The following ZNF43 variants were observed in gnomAD, a reference collection of about 807,000 sequenced individuals.
The protein encoded by ZNF43 is zinc finger protein 39-like 1 (KOX 27).
ZNF43 carries 44 observed loss-of-function variants against 68.4 expected under a neutral mutation model. The ratio of observed to expected loss-of-function variants is 0.64; its 90% CI spans 0.51 to 0.83. The LOEUF is 0.83. Ranked by LOEUF, ZNF43 falls within the 40% of genes least tolerant of loss-of-function variation. The probability of loss-of-function intolerance (pLI) is 0.00; values close to 1 mark genes in which losing one functional copy is unlikely to be tolerated. For synonymous variants in ZNF43, 308 were observed against 307.8 expected (o/e 1.00, Z -0.01); for missense variants, 896 against 933.2 (o/e 0.96, Z 0.52).
chr19:21,819,241 C>A lies in ZNF43; in HGVS notation c.4-20G>T, dbSNP rs772511588. On this transcript the variant is annotated intron_variant, in intron 1 of 3. Transcript: ENST00000354959. ...TGGTCCCTAAAAAAAACAACACATACACACACAAACACACACATTTACCAA... is the reference window on the plus strand; with the variant it reads ...TGGTCCCTAAAAAAAACAACACATAAACACACAAACACACACATTTACCAA... 1.3e-6 allele frequency: 2 copies of A among 1,553,360 alleles called. No homozygotes were observed. Among genetic ancestry groups the A allele is most frequent in the East Asian group, 4.6e-5 (2 of 43,228 alleles).
chr19:21,847,997 A>G (rs1359526436), intron 1 of ZNF43, among the ~76,000 whole-genome samples: 1 of 151,664 alleles, frequency 6.6e-6, no homozygotes, highest in Non-Finnish European at 1.5e-5. Context: ...TAATTTTTGT[A>G]TTTTTAGTAG....
intron 1 of ZNF43, among the ~76,000 whole-genome samples, chr19:21,821,360 C>A (rs575176677): frequency 2.0e-5 from 3 of 151,916 alleles, no homozygotes; most frequent in African/African-American, 4.8e-5. Flanking sequence ...CGTGTTACCG[C>A]GCCTGGCCAA....
intron 3 of ZNF43, among the ~76,000 whole-genome samples, chr19:21,814,236 T>C (rs985768481): frequency 1.3e-5 from 2 of 151,966 alleles, no homozygotes; most frequent in Non-Finnish European, 2.9e-5. Context: ...ATTAAACACA[T>C]GGTGAAAATA....
chr19:21,837,547 A>G (rs1217531539), upstream of ZNF43, among the ~76,000 whole-genome samples: 2 of 150,122 alleles, frequency 1.3e-5, no homozygotes, highest in African/African-American at 4.9e-5. Flanking sequence ...GACTCAGCCT[A>G]CCAAGTAGCT....
chr19:21,814,210 A>C (rs113931035), intron 3 of ZNF43, among the ~76,000 whole-genome samples: 1,963 of 152,314 alleles, frequency 0.013, 47 homozygotes, highest in African/African-American at 0.044. Flanking sequence ...TCATACAAAG[A>C]AAATATACAT....
chr19:21,830,208 C>A (rs2145307002), intron 1 of ZNF43, among the ~76,000 whole-genome samples: 1 of 150,852 alleles, frequency 6.6e-6, no homozygotes, highest in African/African-American at 2.4e-5. Flanking sequence ...GCGGAGGTTG[C>A]AGTGAGGCAA....
At chr19:21,843,472 T>C (rs1967679486) in intron 1 of ZNF43, 1 of 778,128 alleles carries the variant, frequency 1.3e-6, no homozygotes, top group Admixed American at 6.2e-5. Flanking sequence ...CTCAATCTCT[T>C]CTGCGGACTG....
Position 21,808,517 on chromosome 19 carries a change from T to C in ZNF43, c.1520A>G (p.Lys507Arg), listed in dbSNP as rs2037085252. Residue 507 changes from lysine to arginine, a missense_variant, in exon 4 of 4, where the codon AAG becomes AGG. Physicochemically the swap from Lys to Arg is conservative, Grantham distance 26. Coordinates refer to ENST00000354959, the MANE Select transcript of ZNF43 (RefSeq NM_003423.4). ...ACATTCTTCACATTTGTAGGGTTTCTTTTCAATGTGAATTTTCTTATGTTT... is the reference window on the plus strand; with the variant it reads ...ACATTCTTCACATTTGTAGGGTTTCCTTTCAATGTGAATTTTCTTATGTTT... ...LTKHKKIHIE[K>R]KPYKCEECGK... 1 of 1,613,288 alleles carries C rather than the reference T, an allele frequency of 6.2e-7. No homozygotes were observed. Among genetic ancestry groups the C allele is most frequent in the Non-Finnish European group, 8.5e-7 (1 of 1,179,784 alleles).
chr19:21,809,542 C>T lies in ZNF43; in HGVS notation c.495G>A (p.Lys165=). The T allele has an allele frequency of 6.2e-7, 1 of 1,612,212 alleles. No homozygotes were observed. The highest frequency in any genetic ancestry group is 1.3e-5 in the African/African-American group (1 of 74,864). The change falls in exon 4 of 4, where the codon AAG becomes AAA. Residue 165 remains lysine (K), a synonymous_variant. Transcript: ENST00000354959. The part of the protein sequence containing the change: ...FHKFSNSNRH[K]ISHTEKKLFK... Reference sequence around the variant, plus strand: ...AAAGTTTTTTTTCAGTATGGCTTATCTTATGTCTGTTTGAATTTGAAAATT... The same window carrying T: ...AAAGTTTTTTTTCAGTATGGCTTATTTTATGTCTGTTTGAATTTGAAAATT...
intron 1 of ZNF43, among the ~76,000 whole-genome samples, chr19:21,820,376 G>A (rs1002316527): frequency 1.3e-5 from 2 of 149,456 alleles, no homozygotes; most frequent in East Asian, 1.9e-4. Flanking sequence ...TTAGGAGTTC[G>A]AGACAAGCCT....
intron 1 of ZNF43, chr19:21,827,254 A>G (rs1470723619): frequency 6.6e-6 from 1 of 152,134 alleles, no homozygotes; most frequent in Non-Finnish European, 1.5e-5. Flanking sequence ...ATTGGAATAC[A>G]TCTCACAATT....
intron 1 of ZNF43, among the ~76,000 whole-genome samples, chr19:21,844,347 CAAAAAAAA>C (rs57500822): frequency 0.095 from 4,112 of 43,216 alleles, 232 homozygotes; most frequent in African/African-American, 0.22. Context: ...GACTCTGTCT[CAAAAAAAA>C]AAAAAAAAAA....
upstream of ZNF43, among the ~76,000 whole-genome samples, chr19:21,836,956 T>C (rs954843644): frequency 2.6e-5 from 4 of 152,192 alleles, no homozygotes; most frequent in African/African-American, 4.8e-5. Flanking sequence ...CAAGGAAATG[T>C]TATGCACATG....
chr19:21,823,611 G>A (rs1026432418), intron 1 of ZNF43, among the ~76,000 whole-genome samples: 3 of 122,684 alleles, frequency 2.4e-5, no homozygotes, highest in African/African-American at 3.3e-5. Context: ...ATGGAGTTTC[G>A]CTCTTGTTGC....
chr19:21,809,326 T>G lies in ZNF43; in HGVS notation c.711A>C (p.Lys237Asn), dbSNP rs752408414. The change falls in exon 4 of 4, where the codon AAA becomes AAC. Residue 237 changes from lysine (K) to asparagine (N), a missense_variant. Transcript: ENST00000354959. ...EKPYTCEECGKVFNWSSRLTT... is the reference protein window; with the variant it reads ...EKPYTCEECGNVFNWSSRLTT... ...TAAGGCGTGAGGACCAATTAAAGAC[T>G]TTGCCACATTCTTCACATGTGTAGG... The G allele has an allele frequency of 2.5e-6, 4 of 1,613,822 alleles. No individual in the cohort carries two copies. In the Admixed American group the frequency reaches 6.7e-5, roughly 27 times the overall value.
intron 1 of ZNF43, chr19:21,850,858 A>T (rs1968299316): frequency 6.6e-6 from 1 of 150,636 alleles, no homozygotes; most frequent in Non-Finnish European, 1.5e-5. Context: ...GTCAAGCGAT[A>T]TGTCACAATC....
intron 1 of ZNF43, among the ~76,000 whole-genome samples, chr19:21,851,563 A>T (rs1350100191): frequency 6.9e-6 from 1 of 145,140 alleles, no homozygotes; most frequent in Admixed American, 6.7e-5. Context: ...AAAAAAAAAA[A>T]TTAACAACAG....
At chr19:21,840,323 G>C (rs758588681), upstream of ZNF43, 2 of 152,712 alleles carry the variant, frequency 1.3e-5, no homozygotes, top group Non-Finnish European at 2.9e-5. Context: ...TCACTCAGGT[G>C]CTGGGCAAAG....
At position 21,806,827 on chromosome 19, in the gene ZNF43, T is replaced by C. The variant is rs2036964825; in HGVS notation, c.*780A>G. On this transcript the variant is annotated 3_prime_UTR_variant, in exon 4 of 4. Coordinates refer to ENST00000354959, the MANE Select transcript of ZNF43 (RefSeq NM_003423.4). ...ATGTCTGAAGTGTCCGCGCCTTAGA[T>C]ATTTCTACTGTGAATTCTCAGATAT... is the stretch of plus-strand genomic sequence containing the variant. 1 of 152,240 alleles carries C rather than the reference T, an allele frequency of 6.6e-6. No homozygotes were observed. Among genetic ancestry groups the C allele is most frequent in the Non-Finnish European group, 1.5e-5 (1 of 68,048 alleles). 9.4% of individuals were successfully genotyped at this position (152,240 alleles called of 1,614,324 possible).
Sources: allele counts gnomAD v4.1 joint callset (sites outside exome capture counted in the v4.1 genomes callset), GRCh38; gene constraint gnomAD v4.1.1; transcripts MANE v1.5; gene names NCBI Gene and HGNC (gene_info 2026-07-23, HGNC 2026-07-21).